Variants in GLI2 observed in about 807,000 individuals in gnomAD.
GLI2 encodes the protein GLI family zinc finger 2.
GLI2 carries 22 observed loss-of-function variants against 78.9 expected under a neutral mutation model. The observed-to-expected ratio is 0.28, with a 90% CI of 0.20 to 0.40. GLI2 has a LOEUF of 0.40. Ranked by LOEUF, GLI2 falls within the 10% of genes least tolerant of loss-of-function variation. GLI2 has a pLI of 1.00. For missense variants in GLI2, 2,097 were observed against 2,213.2 expected (o/e 0.95, Z 1.05); for synonymous variants, 974 against 963.7 (o/e 1.01, Z -0.20).
intron 2 of GLI2, among the ~76,000 whole-genome samples, chr2:120,892,456 A>G (rs1354742035): frequency 6.6e-6 from 1 of 152,188 alleles, no homozygotes; most frequent in African/African-American, 2.4e-5. Flanking sequence ...CCAGCTAGCC[A>G]GGGGCTGCAG....
intron 3 of GLI2, among the ~76,000 whole-genome samples, chr2:120,949,575 AG>A (rs1680879443): frequency 1.3e-5 from 2 of 152,220 alleles, no homozygotes; most frequent in Admixed American, 1.3e-4. Context: ...GGCTTCAGGG[AG>A]GGTGCCACCT....
At chr2:120,900,634 G>C (rs1678205906) in intron 2 of GLI2, among the ~76,000 whole-genome samples, 1 of 152,336 alleles carries the variant, frequency 6.6e-6, no homozygotes, top group East Asian at 1.9e-4. Flanking sequence ...ACAACACCCA[G>C]TTCCTTTTAG....
chr2:120,892,065 G>C (rs182042250), intron 2 of GLI2, among the ~76,000 whole-genome samples: 1 of 147,472 alleles, frequency 6.8e-6, no homozygotes, highest in East Asian at 2.2e-4. Context: ...CCAGCACTTT[G>C]GACAAAGCTT....
intron 3 of GLI2, among the ~76,000 whole-genome samples, chr2:120,937,668 C>T (rs1048248930): frequency 1.4e-4 from 21 of 152,192 alleles, no homozygotes; most frequent in African/African-American, 4.8e-4. Context: ...TCCAGGCAGA[C>T]ACCAGTGCCA....
chr2:120,793,146 G>A (rs1471925226), intron 1 of GLI2, among the ~76,000 whole-genome samples: 1 of 152,262 alleles, frequency 6.6e-6, no homozygotes, highest in Non-Finnish European at 1.5e-5. Context: ...CCAGAGGGCA[G>A]GTGACCTGGG....
intron 2 of GLI2, among the ~76,000 whole-genome samples, chr2:120,915,678 A>G (rs1448667215): frequency 1.3e-5 from 2 of 152,162 alleles, no homozygotes; most frequent in Non-Finnish European, 2.9e-5. Flanking sequence ...ACGTGGCTGA[A>G]GGGCTGGCCT....
At chr2:120,939,188 A>T (rs1334759473) in intron 3 of GLI2, among the ~76,000 whole-genome samples, 1 of 152,180 alleles carries the variant, frequency 6.6e-6, no homozygotes, top group Non-Finnish European at 1.5e-5. Context: ...AGGCTGAGGC[A>T]GAAGAATCAC....
intron 2 of GLI2, among the ~76,000 whole-genome samples, chr2:120,822,415 G>A (rs1392664626): frequency 6.6e-6 from 1 of 152,222 alleles, no homozygotes; most frequent in East Asian, 1.9e-4. Context: ...GAACCTTTGT[G>A]TTCCCTGAAT....
intron 1 of GLI2, among the ~76,000 whole-genome samples, chr2:120,741,696 G>A (rs1177999130): frequency 6.6e-6 from 1 of 151,994 alleles, no homozygotes; most frequent in East Asian, 1.9e-4. Context: ...TGGCGAGGCC[G>A]CGTGTCCGAG....
intron 5 of GLI2, among the ~76,000 whole-genome samples, chr2:120,964,309 G>A (rs1681729162): frequency 6.6e-6 from 1 of 152,214 alleles, no homozygotes; most frequent in South Asian, 2.1e-4. Flanking sequence ...TGGCTGGAGT[G>A]AGGAGATTCC....
At chr2:120,820,558 C>T (rs958706187) in intron 2 of GLI2, among the ~76,000 whole-genome samples, 1 of 152,216 alleles carries the variant, frequency 6.6e-6, no homozygotes, top group Non-Finnish European at 1.5e-5. Context: ...CCCAGCAACC[C>T]CCAGGTAGGC....
chr2:120,830,708 C>A (rs1686316867), intron 2 of GLI2, among the ~76,000 whole-genome samples: 1 of 152,146 alleles, frequency 6.6e-6, no homozygotes, highest in Middle Eastern at 3.2e-3. Flanking sequence ...AGTGCCCTTC[C>A]CAGAACCTCA....
chr2:120,916,417 C>T (rs565095316), intron 2 of GLI2, among the ~76,000 whole-genome samples: 2 of 152,374 alleles, frequency 1.3e-5, no homozygotes, highest in South Asian at 2.1e-4. Context: ...CATCCTCCCC[C>T]TTCCTTCTGG....
At chr2:120,790,583 A>C (rs970527258) in intron 1 of GLI2, among the ~76,000 whole-genome samples, 2 of 152,134 alleles carry the variant, frequency 1.3e-5, no homozygotes, top group Non-Finnish European at 2.9e-5. Context: ...TGGCTGGAAG[A>C]GGGGGAGTCA....
intron 2 of GLI2, among the ~76,000 whole-genome samples, chr2:120,913,451 T>C (rs762710114): frequency 3.3e-5 from 5 of 152,176 alleles, no homozygotes; most frequent in Non-Finnish European, 5.9e-5. Flanking sequence ...TAATCACCTG[T>C]TTCTTTTTAG....
chr2:120,967,954 C>A (rs1275616168), intron 5 of GLI2, among the ~76,000 whole-genome samples: 2 of 152,176 alleles, frequency 1.3e-5, no homozygotes, highest in East Asian at 3.9e-4. Flanking sequence ...CTGGGGGCCG[C>A]CATCCAGGCC....
intron 2 of GLI2, among the ~76,000 whole-genome samples, chr2:120,855,678 G>C (rs1264874994): frequency 2.6e-5 from 4 of 151,944 alleles, no homozygotes; most frequent in Admixed American, 6.5e-5. Context: ...GGCACTGCTT[G>C]GTTTTCCATG....
At chr2:120,967,323 G>T (rs1357098122) in intron 5 of GLI2, among the ~76,000 whole-genome samples, 2 of 152,246 alleles carry the variant, frequency 1.3e-5, no homozygotes, top group Non-Finnish European at 2.9e-5. Flanking sequence ...CCTCATGCCA[G>T]CCCTGGTGGT....
intron 2 of GLI2, among the ~76,000 whole-genome samples, chr2:120,906,583 G>A (rs1678545094): frequency 6.6e-6 from 1 of 152,040 alleles, no homozygotes; most frequent in South Asian, 2.1e-4. Context: ...CAAGGTCGCA[G>A]CCACCACCCA....
Sources: allele counts gnomAD v4.1 joint callset (sites outside exome capture counted in the v4.1 genomes callset), GRCh38; gene constraint gnomAD v4.1.1; transcripts MANE v1.5; gene names NCBI Gene and HGNC (gene_info 2026-07-23, HGNC 2026-07-21).